Variants in RSL1D1 observed in about 807,000 individuals in gnomAD.
RSL1D1 encodes ribosomal L1 domain-containing protein 1.
Under a neutral mutation model 44.6 loss-of-function variants are expected in RSL1D1, and 34 were observed. That is an observed-to-expected ratio of 0.76 (90% confidence interval 0.58 to 1.02). RSL1D1 has a LOEUF of 1.02. RSL1D1 is among the 50% of genes least tolerant of loss of function. The probability of loss-of-function intolerance (pLI) is 0.00; values close to 1 mark genes in which losing one functional copy is unlikely to be tolerated. For synonymous variants in RSL1D1, 271 were observed against 207.4 expected (o/e 1.31, Z -2.63); for missense variants, 767 against 568.1 (o/e 1.35, Z -3.56).
intron 7 of RSL1D1, among the ~76,000 whole-genome samples, chr16:11,840,622 A>C (rs891971449): frequency 6.6e-6 from 1 of 152,204 alleles, no homozygotes; most frequent in Non-Finnish European, 1.5e-5. Flanking sequence ...AGAGAGAAAC[A>C]CTAGGAGATC....
chr16:11,846,639 C>A, intron 4 of RSL1D1, 37 bp from the exon 5 acceptor site: 1 of 1,606,072 alleles, frequency 6.2e-7, no homozygotes, highest in South Asian at 1.1e-5. Context: ...GAACACAATG[C>A]ATACACACCT....
intron 2 of RSL1D1, among the ~76,000 whole-genome samples, chr16:11,848,134 TC>T (rs1288956640): frequency 2.0e-5 from 3 of 152,040 alleles, no homozygotes; most frequent in Non-Finnish European, 2.9e-5. Context: ...GTGCCTGTAA[TC>T]CCAGCTACTT....
At chr16:11,840,834 G>A (rs969187960) in intron 7 of RSL1D1, among the ~76,000 whole-genome samples, 1 of 152,156 alleles carries the variant, frequency 6.6e-6, no homozygotes, top group African/African-American at 2.4e-5. Flanking sequence ...AGGTGTATGA[G>A]TTTGTCCTGT....
At chr16:11,844,557 G>C (rs1399219590) in intron 5 of RSL1D1, among the ~76,000 whole-genome samples, 1 of 152,222 alleles carries the variant, frequency 6.6e-6, no homozygotes, top group African/African-American at 2.4e-5. Flanking sequence ...GGGATTCCCA[G>C]CAGCAGGCTA....
chr16:11,833,893 C>T lies in RSL1D1; in HGVS notation c.*3894G>A, dbSNP rs1416122531. 1.3e-5 allele frequency: 2 copies of T among 152,012 alleles called. No homozygotes were observed. Among genetic ancestry groups the T allele is most frequent in the African/African-American group, 4.8e-5 (2 of 41,372 alleles). The allele number at this position is 152,012 out of a possible 1,614,324, so 9.4% of individuals were successfully genotyped here. A position where few individuals can be genotyped will look rare whatever the true frequency, so the allele number is the denominator to read the frequency against. On this transcript the variant is annotated 3_prime_UTR_variant, in exon 9 of 9. Coordinates refer to ENST00000571133, the MANE Select transcript of RSL1D1 (RefSeq NM_015659.3). ...TTTAATTATTACGATTCCTAAAAAA[C>T]AAATGAACTAAAACTCAATTACTTC...
At position 11,850,429 on chromosome 16, in the gene RSL1D1, G is replaced by GA; in HGVS notation, c.106-12dup. On this transcript the variant is annotated splice_polypyrimidine_tract_variant and intron_variant, in intron 1 of 8. Transcript: ENST00000571133. ...CACTGCCTTTCTAACCTGCAAAGTG[G>GA]AAATTAGACAAATAAGTGAAATGTT... 6.3e-7 allele frequency: 1 copy of GA among 1,586,226 alleles called. No homozygotes were observed. The highest frequency in any genetic ancestry group is 8.5e-7 in the Non-Finnish European group (1 of 1,172,812).
In RSL1D1 at chr16:11,841,808, C is replaced by T. The variant is rs900075713; in HGVS notation, c.742G>A (p.Val248Met). The change falls in exon 7 of 9, where the codon GTG becomes ATG. Residue 248 changes from valine to methionine, a missense_variant. Transcript: ENST00000571133. ...TCAGTTTTCACAAACAGGAGTTTCA[C>T]GCTCTCCCACTTCTGAAACAAAGAA... ...SEKLPEKWESVKLLFVKTEKS... is the reference protein window; with the variant it reads ...SEKLPEKWESMKLLFVKTEKS... The T allele has an allele frequency of 8.1e-6, 13 of 1,613,358 alleles. No individual in the cohort carries two copies. Among genetic ancestry groups the T allele is most frequent in the African/African-American group, 2.7e-5 (2 of 74,886 alleles).
chr16:11,836,878 A>T lies in RSL1D1; in HGVS notation c.*909T>A, dbSNP rs547206816. 1.3e-5 allele frequency: 2 copies of T among 152,236 alleles called. No homozygotes were observed. The highest frequency in any genetic ancestry group is 2.9e-5 in the Non-Finnish European group (2 of 68,052). 9.4% of individuals were successfully genotyped at this position (152,236 alleles called of 1,614,324 possible). ...TGAATATGATGGAGTCCATGTGAAT[A>T]ATGGTTGAGCAGGTGAGGAAAAGGG... is the stretch of plus-strand genomic sequence containing the variant. On this transcript the variant is annotated 3_prime_UTR_variant, in exon 9 of 9. Transcript: ENST00000571133.
Position 11,850,372 on chromosome 16 carries a change from T to C in RSL1D1, c.152A>G (p.Lys51Arg), listed in dbSNP as rs913361521. The change falls in exon 2 of 9, where the codon AAA (lysine) becomes AGA (arginine). Residue 51 changes from lysine to arginine, a missense_variant. Physicochemically the swap from Lys to Arg is conservative, Grantham distance 26. Transcript: ENST00000571133. ...ATTCAAAAGCAACCCATAATTGTTTTTCCTGGACTTGCAATGCGTCAAGAG... is the reference window on the plus strand; with the variant it reads ...ATTCAAAAGCAACCCATAATTGTTTCTCCTGGACTTGCAATGCGTCAAGAG... ...DALLTHCKSR[K>R]NNYGLLLNEN... 2 of 1,601,672 alleles carry C rather than the reference T, an allele frequency of 1.2e-6. No individual in the cohort carries two copies. The highest frequency in any genetic ancestry group is 4.5e-5 in the East Asian group (2 of 44,526).
intron 5 of RSL1D1, among the ~76,000 whole-genome samples, chr16:11,843,047 G>A (rs1043908004): frequency 3.4e-5 from 5 of 148,926 alleles, no homozygotes; most frequent in Non-Finnish European, 5.9e-5. Flanking sequence ...TCAGCCTCCC[G>A]AGTAGCTGGG....
chr16:11,847,919 G>T, intron 2 of RSL1D1, 113 bp from the exon 3 acceptor site: 1 of 1,095,394 alleles, frequency 9.1e-7, no homozygotes, highest in Non-Finnish European at 1.3e-6. Flanking sequence ...TTTTAGTCAT[G>T]CTAGTTAAGC....
In RSL1D1 at chr16:11,851,536, C is replaced by T. The variant is rs373221174; in HGVS notation, c.-24G>A. The T allele has an allele frequency of 2.5e-5, 40 of 1,607,654 alleles. No homozygotes were observed. The highest frequency in any genetic ancestry group is 1.9e-4 in the Middle Eastern group (1 of 5,232). On this transcript the variant is annotated 5_prime_UTR_variant, in exon 1 of 9. Coordinates refer to ENST00000571133, the MANE Select transcript of RSL1D1 (RefSeq NM_015659.3). ...ATCTTGTTTCCACCTCGTGAAGAGG[C>T]GCGTGTGCAACCCCACTGCTGGCTT...
chr16:11,839,365 T>G (rs1385688788), intron 8 of RSL1D1, among the ~76,000 whole-genome samples: 1 of 124,966 alleles, frequency 8.0e-6, no homozygotes, highest in African/African-American at 3.2e-5. Context: ...GACTCCATCT[T>G]CAAAAAAAAG....
At chr16:11,844,388 T>C (rs558695260) in intron 5 of RSL1D1, among the ~76,000 whole-genome samples, 150 of 152,292 alleles carry the variant, frequency 9.8e-4, no homozygotes, top group African/African-American at 3.5e-3. Context: ...CATGGTACCA[T>C]CTTCTTCTCC....
In RSL1D1 at chr16:11,837,788, T is replaced by G; in HGVS notation, c.1472A>C (p.Ter491SerextTer3). Reference protein sequence around the residue: ...PKKPKVPQST* With the variant: ...PKKPKVPQSTS Reference sequence around the variant, plus strand: ...TTCCTTCCAGTTGAATCACTGACTTTAGGTCGACTGGGGTACTTTGGGTTT... The same window carrying G: ...TTCCTTCCAGTTGAATCACTGACTTGAGGTCGACTGGGGTACTTTGGGTTT... Residue 491 changes from the stop codon to serine, a stop_lost, in exon 9 of 9, where the codon TAA becomes TCA. Coordinates refer to ENST00000571133, the MANE Select transcript of RSL1D1 (RefSeq NM_015659.3). 1 of 1,602,550 alleles carries G rather than the reference T, an allele frequency of 6.2e-7. No individual in the cohort carries two copies. Among genetic ancestry groups the G allele is most frequent in the South Asian group, 1.1e-5 (1 of 89,648 alleles).
In RSL1D1 at chr16:11,841,934, G is replaced by C. The variant is rs1289746557; in HGVS notation, c.702C>G (p.Thr234=). ...EHIIENIVAV[T]KGLSEKLPEK... Reference sequence around the variant, plus strand: ...CTGGCAATTTTTCTGAAAGTCCTTTGGTGACAGCAACAATGTTTTCAATGA... The same window carrying C: ...CTGGCAATTTTTCTGAAAGTCCTTTCGTGACAGCAACAATGTTTTCAATGA... The change falls in exon 6 of 9, where the codon ACC becomes ACG. Residue 234 remains threonine, a synonymous_variant. Coordinates refer to ENST00000571133, the MANE Select transcript of RSL1D1 (RefSeq NM_015659.3). 2 of 1,613,744 alleles carry C rather than the reference G, an allele frequency of 1.2e-6. No homozygotes were observed. The highest frequency in any genetic ancestry group is 8.5e-7 in the Non-Finnish European group (1 of 1,179,944).
intron 5 of RSL1D1, among the ~76,000 whole-genome samples, chr16:11,846,279 C>T (rs1337472845): frequency 6.6e-6 from 1 of 150,974 alleles, no homozygotes; most frequent in Non-Finnish European, 1.5e-5. Context: ...CCTGTAGTCC[C>T]AGCTACTCGG....
At chr16:11,840,095 C>T (rs757955479) in intron 7 of RSL1D1, 110 bp from the exon 8 acceptor site, 67 of 1,486,342 alleles carry the variant, frequency 4.5e-5, no homozygotes, top group Non-Finnish European at 6.0e-5. Context: ...CTAAATGGAC[C>T]TCGATCTATA....
rs1298655252 is a variant in RSL1D1, at chr16:11,834,434, A to T, written c.*3353T>A. On this transcript the variant is annotated 3_prime_UTR_variant, in exon 9 of 9. Coordinates refer to ENST00000571133, the MANE Select transcript of RSL1D1 (RefSeq NM_015659.3). ...GAATGAAACTAGATGCAAGAACAGG[A>T]AAGTAAACACCTGTGTCATGTTCAA... 6.6e-6 allele frequency: 1 copy of T among 152,264 alleles called. No individual in the cohort carries two copies. Among genetic ancestry groups the T allele is most frequent in the Non-Finnish European group, 1.5e-5 (1 of 68,040 alleles). 9.4% of individuals were successfully genotyped at this position (152,264 alleles called of 1,614,324 possible). A position where few individuals can be genotyped will look rare whatever the true frequency, so the allele number is the denominator to read the frequency against.
Sources: allele counts gnomAD v4.1 joint callset (sites outside exome capture counted in the v4.1 genomes callset), GRCh38; gene constraint gnomAD v4.1.1; transcripts MANE v1.5; gene names NCBI Gene and HGNC (gene_info 2026-07-23, HGNC 2026-07-21).